Variants in SNX5 observed in about 807,000 individuals in gnomAD.
SNX5 encodes sorting nexin-5.
In SNX5, 31 loss-of-function variants were observed where a neutral mutation model predicts 53.9. The observed-to-expected ratio is 0.58, with a 90% CI of 0.43 to 0.78. The LOEUF (loss-of-function observed/expected upper bound fraction) is 0.78. SNX5 is among the 30% of genes least tolerant of loss of function. The probability of loss-of-function intolerance (pLI) is 0.00; values close to 1 mark genes in which losing one functional copy is unlikely to be tolerated. For synonymous variants in SNX5, 168 were observed against 171.1 expected, an observed-to-expected ratio of 0.98 and a Z score of 0.14; for missense variants, 471 against 478.8, an observed-to-expected ratio of 0.98 and a Z score of 0.15.
intron 12 of SNX5, 53 bp downstream of exon 12, chr20:17,943,057 T>C (rs1600328870): frequency 1.5e-6 from 2 of 1,295,808 alleles, no homozygotes; most frequent in Admixed American, 1.7e-5. Flanking sequence ...AACTGGGAAA[T>C]AACTTGGAAA....
intron 2 of SNX5, among the ~76,000 whole-genome samples, 167 bp downstream of exon 2, chr20:17,956,766 G>A (rs771637659): frequency 2.0e-5 from 3 of 150,546 alleles, no homozygotes; most frequent in Non-Finnish European, 2.9e-5. Flanking sequence ...CCGCCACAAT[G>A]GCACTCACCT....
chr20:17,967,546 G>A (rs919904141), intron 1 of SNX5: 2 of 152,230 alleles, frequency 1.3e-5, no homozygotes, highest in African/African-American at 4.8e-5. Flanking sequence ...CATTTTAAGA[G>A]AGCCTTGTAT....
At chr20:17,944,361 C>G (rs1695280652) in intron 11 of SNX5, 1 of 149,336 alleles carries the variant, frequency 6.7e-6, no homozygotes, top group African/African-American at 2.6e-5. Context: ...TTAGCTTGAT[C>G]TAATAATTTC....
chr20:17,957,010 C>T lies in SNX5; in HGVS notation c.79G>A (p.Val27Ile). 6.2e-7 allele frequency: 1 copy of T among 1,603,766 alleles called. No individual in the cohort carries two copies. Among genetic ancestry groups the T allele is most frequent in the East Asian group, 2.2e-5 (1 of 44,832 alleles). The change falls in exon 2 of 13, where the codon GTT becomes ATT. Residue 27 changes from valine (V) to isoleucine (I), a missense_variant. By Grantham distance (29) the Val-to-Ile change is conservative. Coordinates refer to ENST00000377759, the MANE Select transcript of SNX5 (RefSeq NM_014426.4). ...KLRSVSVDLNVDPSLQIDIPD... is the reference protein window; with the variant it reads ...KLRSVSVDLNIDPSLQIDIPD... The stretch of plus-strand genomic sequence containing the variant: ...ATGTCAATCTGAAGCGAGGGATCAA[C>T]ATTCAGGTCCACAGATACAGATCTC...
intron 1 of SNX5, among the ~76,000 whole-genome samples, chr20:17,965,012 A>C (rs2035515407): frequency 1.3e-5 from 2 of 152,222 alleles, no homozygotes; most frequent in African/African-American, 4.8e-5. Context: ...TTATTCTCAC[A>C]AAGATATCCA....
rs759174160 is a variant in SNX5, at chr20:17,952,568, T to C, written c.513+19A>G. The C allele has an allele frequency of 1.9e-6, 3 of 1,608,036 alleles. No individual in the cohort carries two copies. The highest frequency in any genetic ancestry group is 2.2e-5 in the South Asian group (2 of 90,022). ...AAACATTTGAAGTGGATTATCAAAA[T>C]GGAATAAAAATGCCTTACATCCTGA... On this transcript the variant is annotated intron_variant, in intron 5 of 12. Transcript: ENST00000377759.
chr20:17,946,155 A>G (rs1475006921), intron 11 of SNX5, among the ~76,000 whole-genome samples: 1 of 152,232 alleles, frequency 6.6e-6, no homozygotes, highest in Non-Finnish European at 1.5e-5. Context: ...GGATAAGGCA[A>G]GAAAGAACCC....
intron 4 of SNX5, among the ~76,000 whole-genome samples, chr20:17,952,966 AC>A (rs1239930909): frequency 6.6e-6 from 1 of 152,264 alleles, no homozygotes; most frequent in Non-Finnish European, 1.5e-5. Context: ...TCCTAAATCT[AC>A]ATGCAATTAC....
At chr20:17,951,136 T>C (rs2039561902) in intron 6 of SNX5, 2 of 173,818 alleles carry the variant, frequency 1.2e-5, no homozygotes, top group South Asian at 1.6e-4. Flanking sequence ...CTAGGTTGCA[T>C]GTCAAGTGCT....
At chr20:17,950,236 C>G (rs753173417) in intron 7 of SNX5, 29 bp from the exon 8 acceptor site, 3 of 1,613,322 alleles carry the variant, frequency 1.9e-6, no homozygotes, top group Non-Finnish European at 2.5e-6. Flanking sequence ...GTCTTTTTAT[C>G]CAAACACAGC....
chr20:17,961,493 C>A (rs574243617), intron 1 of SNX5: 42 of 985,344 alleles, frequency 4.3e-5, no homozygotes, highest in Admixed American at 6.1e-5. Context: ...TAGATTGGGG[C>A]TAGTTGAACA....
intron 1 of SNX5, among the ~76,000 whole-genome samples, chr20:17,966,339 C>G (rs1379584876): frequency 2.7e-5 from 4 of 150,578 alleles, no homozygotes; most frequent in African/African-American, 9.8e-5. Context: ...GAGCTGAGAT[C>G]GAGCCATTGC....
In SNX5 at chr20:17,948,912, A is replaced by G. The variant is rs1010214897; in HGVS notation, c.896T>C (p.Met299Thr). The G allele has an allele frequency of 6.2e-7, 1 of 1,611,898 alleles. No homozygotes were observed. The highest frequency in any genetic ancestry group is 1.3e-5 in the African/African-American group (1 of 74,856). Residue 299 changes from methionine (M) to threonine (T), a missense_variant, in exon 10 of 13, where the codon ATG becomes ACG. By Grantham distance (81) the Met-to-Thr change is moderately conservative. Coordinates refer to ENST00000377759, the MANE Select transcript of SNX5 (RefSeq NM_014426.4). ...TACCTTAGCAGCTTCAATGTTGAGC[A>G]TGTAGTATCGGAGGAGCTCTGTTAG... ...LKLTELLRYY[M>T]LNIEAAKDLL... is the part of the protein sequence containing the mutation.
chr20:17,960,616 A>C (rs1264815192), intron 1 of SNX5, among the ~76,000 whole-genome samples: 1 of 151,772 alleles, frequency 6.6e-6, no homozygotes, highest in Admixed American at 6.6e-5. Flanking sequence ...CAAACAAAAA[A>C]ACACACACAA....
Position 17,951,284 on chromosome 20 carries a change from G to A in SNX5, c.609+216C>T, listed in dbSNP as rs193189867. ...AGAAAAGGAGAAAATGAAGCCAAGT[G>A]TGGAAAGGTTCAAGTTGCTTCTCCT... On this transcript the variant is annotated intron_variant, in intron 6 of 12. Coordinates refer to ENST00000377759, the MANE Select transcript of SNX5 (RefSeq NM_014426.4). 63 of 518,092 alleles carry A rather than the reference G, an allele frequency of 1.2e-4. No homozygotes were observed. In the East Asian group the frequency reaches 1.7e-3, roughly 14 times the overall value. The allele number at this position is 518,092 out of a possible 1,614,324, so 32.1% of individuals were successfully genotyped here.
rs2039439824 is a variant in SNX5 at position 17,943,092 on chromosome 20, T to C, written c.1164+18A>G. ...AAAACCATAAAAGATGTTGGCTTCATCTGTAGAAAACACTTACCCTGGCAT... is the reference window on the plus strand; with the variant it reads ...AAAACCATAAAAGATGTTGGCTTCACCTGTAGAAAACACTTACCCTGGCAT... On this transcript the variant is annotated intron_variant, in intron 12 of 12. Transcript: ENST00000377759. 6.6e-7 allele frequency: 1 copy of C among 1,513,242 alleles called. No homozygotes were observed. The highest frequency in any genetic ancestry group is 9.2e-7 in the Non-Finnish European group (1 of 1,090,486). The allele number at this position is 1,513,242 out of a possible 1,614,324, so 93.7% of individuals were successfully genotyped here. A position where few individuals can be genotyped will look rare whatever the true frequency, so the allele number is the denominator to read the frequency against.
intron 10 of SNX5, among the ~76,000 whole-genome samples, chr20:17,948,591 G>A (rs1180073341): frequency 6.6e-6 from 1 of 152,200 alleles, no homozygotes; most frequent in African/African-American, 2.4e-5. Flanking sequence ...CTCAAAGGCT[G>A]CAGGGATACT....
Position 17,968,401 on chromosome 20 carries a change from G to C in SNX5, c.25C>G (p.Gln9Glu). The C allele has an allele frequency of 7.8e-7, 1 of 1,287,818 alleles. No homozygotes were observed. The highest frequency in any genetic ancestry group is 9.9e-7 in the Non-Finnish European group (1 of 1,014,196). The allele number at this position is 1,287,818 out of a possible 1,614,324, so 79.8% of individuals were successfully genotyped here. Residue 9 changes from glutamine (Q) to glutamate (E), a missense_variant, in exon 1 of 13, where the codon CAG (glutamine) becomes GAG (glutamate). Gln to Glu is a conservative substitution (Grantham distance 29). Transcript: ENST00000377759. MAAVPELL[Q>E]QQEEDRSKLR... Reference sequence around the variant, plus strand: ...TTGCTGCGGTCCTCCTCCTGCTGCTGCAGCAACTCGGGAACCGCGGCCATG... The same window carrying C: ...TTGCTGCGGTCCTCCTCCTGCTGCTCCAGCAACTCGGGAACCGCGGCCATG...
chr20:17,963,983 A>G (rs560929319), intron 1 of SNX5, among the ~76,000 whole-genome samples: 62 of 152,302 alleles, frequency 4.1e-4, no homozygotes, highest in Middle Eastern at 3.4e-3. Flanking sequence ...CCAGGGGCCC[A>G]TTCAGGAGGC....
Sources: gnomAD v4.1 joint callset for allele counts (sites outside exome capture counted in the v4.1 genomes callset) on GRCh38, gnomAD v4.1.1 for gene constraint, MANE v1.5 for transcripts, NCBI Gene and HGNC (gene_info 2026-07-23, HGNC 2026-07-21) for gene names.